IRS4: variants seen among roughly 807,000 people sequenced by gnomAD.
The protein encoded by IRS4 is 160 kDa phosphotyrosine protein.
IRS4 carries 15 observed loss-of-function variants against 48.6 expected under a neutral mutation model. The observed-to-expected ratio is 0.31, with a 90% CI of 0.21 to 0.48. The LOEUF is 0.48. Among genes scored for constraint, IRS4 ranks in the 20% least tolerant of loss-of-function variants. The pLI, the probability that IRS4 is intolerant of heterozygous loss-of-function variation, is 0.99. For missense variants in IRS4, 987 were observed against 1,023.4 expected (o/e 0.96, Z 0.49); for synonymous variants, 459 against 413.2 (o/e 1.11, Z -1.34).
chrX:108,734,512 C>A lies in IRS4; in HGVS notation c.1833G>T (p.Lys611Asn). Residue 611 changes from lysine (K) to asparagine (N), a missense_variant, in exon 1 of 2, where the codon AAG (lysine) becomes AAT (asparagine). By Grantham distance (94) the Lys-to-Asn change is moderately conservative. This residue lies in a region of IRS4 where 720 missense variants were observed against 660.3 expected (regional missense o/e 1.09). Transcript: ENST00000372129. ...DGDGERGKSL[K>N]KRSYFGKLTQ... ...TTAATTTGCCAAAATAGGATCTTTT[C>A]TTCAGAGATTTTCCACGTTCACCAT... 8.3e-7 allele frequency: 1 copy of A among 1,211,530 alleles called. No homozygotes were observed. The highest frequency in any genetic ancestry group is 1.1e-6 in the Non-Finnish European group (1 of 895,495).
chrX:108,726,427 A>C (rs1191036913), intron 1 of IRS4: 1 of 111,954 alleles, frequency 8.9e-6, no homozygotes, highest in Non-Finnish European at 1.9e-5. Flanking sequence ...CCGAAGGGAA[A>C]CTATGGTAAA....
At chrX:108,731,996 T>C (rs756493763) in intron 1 of IRS4, among the ~76,000 whole-genome samples, 5 of 112,413 alleles carry the variant, frequency 4.4e-5, no homozygotes, top group Non-Finnish European at 9.4e-5. Flanking sequence ...TTATGTTTTG[T>C]TCCCCCCAGA....
chrX:108,729,409 C>T (rs752757815), intron 1 of IRS4, among the ~76,000 whole-genome samples: 1 of 110,112 alleles, frequency 9.1e-6, no homozygotes, highest in Admixed American at 9.7e-5. Flanking sequence ...ATAAAAAAAC[C>T]AGGAAAATGT....
rs189942846 is a variant in IRS4 at position 108,729,160 on chromosome X, T to C, written c.3766+3419A>G. Among the ~76,000 whole-genome samples, 6 of 111,447 alleles carry C rather than the reference T, an allele frequency of 5.4e-5. No individual in the cohort carries two copies. The East Asian group carries it at 1.7e-3, about 31-fold the overall frequency. ...AAATTTTTATAATAATTAACTTCAATGGAATAAAAACAATGTGCTCTTAGT... is the reference window on the plus strand; with the variant it reads ...AAATTTTTATAATAATTAACTTCAACGGAATAAAAACAATGTGCTCTTAGT... On this transcript the variant is annotated intron_variant, in intron 1 of 1. Transcript: ENST00000372129.
rs772063061 is a variant in IRS4 at position 108,735,187 on chromosome X, G to T, written c.1158C>A (p.Ile386=). 2 of 1,211,291 alleles carry T rather than the reference G, an allele frequency of 1.7e-6. No individual in the cohort carries two copies. The highest frequency in any genetic ancestry group is 2.2e-6 in the Non-Finnish European group (2 of 895,492). ...RFEQFCHLRA[I]GDGEDEMLFT... is the part of the protein sequence containing the mutation. ...AAAGCATCTCGTCTTCCCCGTCGCCGATGGCCCTGAGGTGGCAAAACTGCT... is the reference window on the plus strand; with the variant it reads ...AAAGCATCTCGTCTTCCCCGTCGCCTATGGCCCTGAGGTGGCAAAACTGCT... Residue 386 remains isoleucine (I), a synonymous_variant, in exon 1 of 2, where the codon ATC becomes ATA. Coordinates refer to ENST00000372129, the MANE Select transcript of IRS4 (RefSeq NM_001379150.1).
Position 108,734,938 on chromosome X carries a change from C to T in IRS4, c.1407G>A (p.Gly469=). Reference sequence around the variant, plus strand: ...CTTTGCCCTGGGGATTGCCTTCCTCCCCAAAGTTGCCAGAGCCAGAACCAG... The same window carrying T: ...CTTTGCCCTGGGGATTGCCTTCCTCTCCAAAGTTGCCAGAGCCAGAACCAG... The part of the protein sequence containing the change: ...EVSGSGSGNF[G]EEGNPQGKED... The change falls in exon 1 of 2, where the codon GGG becomes GGA. Residue 469 remains glycine (G), a synonymous_variant. Transcript: ENST00000372129. The T allele has an allele frequency of 8.3e-7, 1 of 1,211,994 alleles. No individual in the cohort carries two copies. Among genetic ancestry groups the T allele is most frequent in the Non-Finnish European group, 1.1e-6 (1 of 895,610 alleles).
rs139268861 is a variant in IRS4 at position 108,735,147 on chromosome X, C to T, written c.1198G>A (p.Val400Ile). ...EDEMLFTRRF[V>I]TPSEPVAHSR... The stretch of plus-strand genomic sequence containing the variant: ...TGGGCCACAGGCTCGCTGGGTGTTA[C>T]GAAGCGCCTGGTGAAAAGCATCTCG... The change falls in exon 1 of 2, where the codon GTA (valine) becomes ATA (isoleucine). Residue 400 changes from valine (V) to isoleucine (I), a missense_variant. By Grantham distance (29) the Val-to-Ile change is conservative. Transcript: ENST00000372129. The T allele has an allele frequency of 2.0e-3, 2,475 of 1,209,424 alleles. 26 individuals are homozygous for T. The African/African-American group carries it at 0.038, about 19-fold the overall frequency.
intron 1 of IRS4, among the ~76,000 whole-genome samples, chrX:108,730,576 G>C (rs765153577): frequency 8.9e-6 from 1 of 111,805 alleles, no homozygotes; most frequent in African/African-American, 3.2e-5. Flanking sequence ...CTGTGAGATA[G>C]AGCTTCCTTG....
rs1307089879 is a variant in IRS4 at position 108,736,248 on chromosome X, G to A, written c.97C>T (p.Pro33Ser). Residue 33 changes from proline (P) to serine (S), a missense_variant, in exon 1 of 2, where the codon CCG becomes TCG. Pro to Ser is a moderately conservative substitution (Grantham distance 74). Around this residue, in one of 4 missense-constraint regions of IRS4, gnomAD observed 173 missense variants for 208.9 expected, o/e 0.83. Coordinates refer to ENST00000372129, the MANE Select transcript of IRS4 (RefSeq NM_001379150.1). Reference protein sequence around the residue: ...AAALAAVVTTPLLSSGTPTAL... With the variant: ...AAALAAVVTTSLLSSGTPTAL... Reference sequence around the variant, plus strand: ...GTCGGGGTTCCCGAGGAAAGAAGCGGGGTGGTCACCACTGCTGCTAGAGCT... The same window carrying A: ...GTCGGGGTTCCCGAGGAAAGAAGCGAGGTGGTCACCACTGCTGCTAGAGCT... 8.3e-7 allele frequency: 1 copy of A among 1,210,958 alleles called. No individual in the cohort carries two copies. Among genetic ancestry groups the A allele is most frequent in the Admixed American group, 2.2e-5 (1 of 46,097 alleles).
Position 108,734,011 on chromosome X carries a change from G to A in IRS4, c.2334C>T (p.Asp778=), listed in dbSNP as rs1464975222. ...CGGCTCCAGGAGCCATAAACATGTAGTCACTCTCACTGTCATTGTCCTTTG... is the reference window on the plus strand; with the variant it reads ...CGGCTCCAGGAGCCATAAACATGTAATCACTCTCACTGTCATTGTCCTTTG... ...DDSKDNDSES[D]YMFMAPGAGA... is the part of the protein sequence containing the mutation. The change falls in exon 1 of 2, where the codon GAC becomes GAT. Residue 778 remains aspartate, a synonymous_variant. Coordinates refer to ENST00000372129, the MANE Select transcript of IRS4 (RefSeq NM_001379150.1). 8.3e-7 allele frequency: 1 copy of A among 1,209,828 alleles called. No homozygotes were observed.
intron 1 of IRS4, chrX:108,726,476 T>C (rs2068876052): frequency 9.0e-6 from 1 of 111,416 alleles, no homozygotes; most frequent in Admixed American, 9.5e-5. Context: ...TGGAGGTGGG[T>C]GGGGGCACAG....
At chrX:108,728,595 T>C (rs1034881171) in intron 1 of IRS4, among the ~76,000 whole-genome samples, 1 of 112,147 alleles carries the variant, frequency 8.9e-6, no homozygotes, top group African/African-American at 3.2e-5. Context: ...AGTAAAATAA[T>C]GAATGTGAAT....
rs2068914975 is a variant in IRS4 at position 108,732,967 on chromosome X, C to T, written c.3378G>A (p.Pro1126=). 8.3e-7 allele frequency: 1 copy of T among 1,200,888 alleles called. No homozygotes were observed. The highest frequency in any genetic ancestry group is 1.1e-6 in the Non-Finnish European group (1 of 887,566). The change falls in exon 1 of 2, where the codon CCG becomes CCA. Residue 1126 remains proline (P), a synonymous_variant. Coordinates refer to ENST00000372129, the MANE Select transcript of IRS4 (RefSeq NM_001379150.1). ...CTACAACTTGGCTGAGGGCTAAAGT[C>T]GGCTCTGCAGCCGAAGCGACAGCCG... ...SAPAVASAAE[P]TLALSQVVAA...
chrX:108,733,711 A>T lies in IRS4; in HGVS notation c.2634T>A (p.Asp878Glu). 1 of 1,211,823 alleles carries T rather than the reference A, an allele frequency of 8.3e-7. No homozygotes were observed. Among genetic ancestry groups the T allele is most frequent in the Non-Finnish European group, 1.1e-6 (1 of 895,555 alleles). Residue 878 changes from aspartate (D) to glutamate (E), a missense_variant, in exon 1 of 2, where the codon GAT becomes GAA. Around this residue, in one of 4 missense-constraint regions of IRS4, gnomAD observed 720 missense variants for 660.3 expected, o/e 1.09. Transcript: ENST00000372129. Reference sequence around the variant, plus strand: ...TAGCTTTATTCTTTGGGGGCTCATGATCTGAAGGCTTTGAAGGTGATCCCC... The same window carrying T: ...TAGCTTTATTCTTTGGGGGCTCATGTTCTGAAGGCTTTGAAGGTGATCCCC... ...GDGGSPSKPS[D>E]HEPPKNKAKR...
Position 108,736,251 on chromosome X carries a change from TG to T in IRS4, c.93del (p.Thr32ProfsTer116). ...AAAAALAAVV[T>X]TPLLSSGTPT... ...GGGGTTCCCGAGGAAAGAAGCGGGG[TG>T]GTCACCACTGCTGCTAGAGCTGCCG... On this transcript the variant is annotated frameshift_variant, in exon 1 of 2. Coordinates refer to ENST00000372129, the MANE Select transcript of IRS4 (RefSeq NM_001379150.1). LOFTEE classifies it high-confidence loss of function. 4 of 1,209,679 alleles carry T rather than the reference TG, an allele frequency of 3.3e-6. No homozygotes were observed. The highest frequency in any genetic ancestry group is 4.5e-6 in the Non-Finnish European group (4 of 894,992).
chrX:108,736,122 C>T lies in IRS4; in HGVS notation c.223G>A (p.Val75Ile), dbSNP rs745914488. 3 of 1,210,794 alleles carry T rather than the reference C, an allele frequency of 2.5e-6. No homozygotes were observed. Among genetic ancestry groups the T allele is most frequent in the African/African-American group, 1.7e-5 (1 of 57,805 alleles). ...CCGCGTTTGCAGACTTCCTCCCCGACGGGCAGGTCCTCCTCTTCGGACTCG... is the reference window on the plus strand; with the variant it reads ...CCGCGTTTGCAGACTTCCTCCCCGATGGGCAGGTCCTCCTCTTCGGACTCG... ...DSESEEEDLP[V>I]GEEVCKRGYL... The change falls in exon 1 of 2, where the codon GTC (valine) becomes ATC (isoleucine). Residue 75 changes from valine (V) to isoleucine (I), a missense_variant. Coordinates refer to ENST00000372129, the MANE Select transcript of IRS4 (RefSeq NM_001379150.1).
Position 108,732,990 on chromosome X carries a change from C to A in IRS4, c.3355G>T (p.Ala1119Ser), listed in dbSNP as rs940042462. Residue 1119 changes from alanine to serine, a missense_variant, in exon 1 of 2, where the codon GCT becomes TCT. Ala to Ser is a moderately conservative substitution (Grantham distance 99). Coordinates refer to ENST00000372129, the MANE Select transcript of IRS4 (RefSeq NM_001379150.1). ...ERDLSPSSAP[A>S]VASAAEPTLA... ...GTCGGCTCTGCAGCCGAAGCGACAG[C>A]CGGGGCTGAGGATGGGGAAAGGTCT... is the stretch of plus-strand genomic sequence containing the variant. 2 of 1,202,569 alleles carry A rather than the reference C, an allele frequency of 1.7e-6. No individual in the cohort carries two copies. The highest frequency in any genetic ancestry group is 1.1e-6 in the Non-Finnish European group (1 of 889,440).
chrX:108,733,244 C>G lies in IRS4; in HGVS notation c.3101G>C (p.Ser1034Thr). ...AMTPAMALADSAIRYDAETGR... is the reference protein window; with the variant it reads ...AMTPAMALADTAIRYDAETGR... Reference sequence around the variant, plus strand: ...TGTTTCAGCATCATAGCGAATGGCACTGTCAGCAAGAGCCATGGCTGGTGT... The same window carrying G: ...TGTTTCAGCATCATAGCGAATGGCAGTGTCAGCAAGAGCCATGGCTGGTGT... Residue 1034 changes from serine to threonine, a missense_variant, in exon 1 of 2, where the codon AGT becomes ACT. Ser to Thr is a moderately conservative substitution (Grantham distance 58, BLOSUM62 1). This residue lies in a region of IRS4 where 720 missense variants were observed against 660.3 expected (regional missense o/e 1.09). Transcript: ENST00000372129. The G allele has an allele frequency of 8.3e-7, 1 of 1,211,867 alleles. No individual in the cohort carries two copies. The highest frequency in any genetic ancestry group is 1.8e-5 in the South Asian group (1 of 56,988).
chrX:108,724,707 C>T (rs760459450), intron 1 of IRS4: 1 of 111,996 alleles, frequency 8.9e-6, no homozygotes, highest in South Asian at 3.7e-4. Context: ...GTCTCCCGTT[C>T]ATTTTTATGT....
Sources: gnomAD v4.1 joint callset for allele counts (sites outside exome capture counted in the v4.1 genomes callset) on GRCh38, gnomAD v4.1.1 for gene constraint, gnomAD v4.1.1 regional missense constraint, MANE v1.5 for transcripts, NCBI Gene and HGNC (gene_info 2026-07-23, HGNC 2026-07-21) for gene names.